The following NFILZ variants were observed in gnomAD, a reference collection of about 807,000 sequenced individuals.
NFILZ encodes the protein NFIL3 like protein.
intron 3 of NFILZ, among the ~76,000 whole-genome samples, chr19:8,653,145 G>A (rs999974158): frequency 2.7e-5 from 4 of 149,710 alleles, no homozygotes; most frequent in African/African-American, 9.9e-5. Flanking sequence ...GCAATGGTGC[G>A]ATCTTGGCTC....
intron 3 of NFILZ, among the ~76,000 whole-genome samples, chr19:8,637,701 G>A (rs1223497294): frequency 6.6e-6 from 1 of 151,330 alleles, no homozygotes; most frequent in African/African-American, 2.4e-5. Flanking sequence ...GAGGTCAGGA[G>A]TTTGAGACCA....
At chr19:8,657,214 G>A (rs782513705) in intron 3 of NFILZ, among the ~76,000 whole-genome samples, 3 of 151,184 alleles carry the variant, frequency 2.0e-5, no homozygotes, top group Non-Finnish European at 3.0e-5. Flanking sequence ...GTATGATCTC[G>A]GCTCGGCTCA....
chr19:8,652,989 TTCC>T (rs2042972866), intron 3 of NFILZ, among the ~76,000 whole-genome samples: 38 of 30,162 alleles, frequency 1.3e-3, no homozygotes, highest in African/African-American at 5.0e-3. Flanking sequence ...CCTTCCTTCC[TTCC>T]TTCCTTCCTT....
At chr19:8,659,965 G>A (rs73505706) in intron 3 of NFILZ, among the ~76,000 whole-genome samples, 8,945 of 152,200 alleles carry the variant, frequency 0.059, 702 homozygotes, top group African/African-American at 0.19. Context: ...TCCTGGGCCC[G>A]TTTCACAGAA....
rs2043136117 is a variant in NFILZ, at chr19:8,679,605, C to T, written c.*1970C>T. Among the ~76,000 whole-genome samples the T allele has an allele frequency of 6.6e-6, 1 of 152,064 alleles. No homozygotes were observed. On this transcript the variant is annotated 3_prime_UTR_variant, in exon 6 of 6. Transcript: ENST00000691075. The stretch of plus-strand genomic sequence containing the variant: ...TATCACCAAACAGGCCAAGAGCTCC[C>T]CTGTGACTGGGCATCCCTAGAATCC...
chr19:8,670,416 A>C (rs1370330306), intron 3 of NFILZ, among the ~76,000 whole-genome samples: 1 of 152,182 alleles, frequency 6.6e-6, no homozygotes, highest in Non-Finnish European at 1.5e-5. Flanking sequence ...ATTTTTTAGA[A>C]TAAACCATTA....
chr19:8,663,744 G>GTGTGTATGTGTGTGTA (rs1418286656), intron 3 of NFILZ, among the ~76,000 whole-genome samples: 11 of 121,880 alleles, frequency 9.0e-5, no homozygotes, highest in Admixed American at 3.9e-4. Context: ...GTGTGTGTGT[G>GTGTGTATGTGTGTGTA]TGTGTGTGTG....
At chr19:8,646,580 C>G (rs1187380957) in intron 3 of NFILZ, among the ~76,000 whole-genome samples, 1 of 152,162 alleles carries the variant, frequency 6.6e-6, no homozygotes, top group African/African-American at 2.4e-5. Context: ...CTTCCTTTGC[C>G]TAGAACCGTC....
chr19:8,641,031 T>C (rs138906236), intron 3 of NFILZ, among the ~76,000 whole-genome samples: 64 of 152,294 alleles, frequency 4.2e-4, no homozygotes, highest in African/African-American at 1.4e-3. Context: ...AAGGTTTGCT[T>C]GGTTTCTGCA....
chr19:8,650,583 G>A (rs1368818483), intron 3 of NFILZ, among the ~76,000 whole-genome samples: 1 of 151,560 alleles, frequency 6.6e-6, no homozygotes, highest in African/African-American at 2.4e-5. Flanking sequence ...GAACATGGGA[G>A]GCGGAGGTTA....
chr19:8,679,269 CATTATT>C lies in NFILZ; in HGVS notation c.*1666_*1671del, dbSNP rs55926423. On this transcript the variant is annotated 3_prime_UTR_variant, in exon 6 of 6. Coordinates refer to ENST00000691075, the MANE Select transcript of NFILZ (RefSeq NM_001378600.1). ...TCAGTTTCTCACTCAGCCCCTCTCC[CATTATT>C]ATTATTATTATTATTATTATTATTA... 0.11 allele frequency among the ~76,000 whole-genome samples: 16,696 copies of C among 145,680 alleles called. 1,657 individuals carry two copies. Among genetic ancestry groups the C allele is most frequent in the East Asian group, 0.55 (2,705 of 4,924 alleles).
At chr19:8,654,017 T>C (rs2042980867) in intron 3 of NFILZ, among the ~76,000 whole-genome samples, 1 of 151,842 alleles carries the variant, frequency 6.6e-6, no homozygotes, top group African/African-American at 2.4e-5. Context: ...TCACCTGAGG[T>C]CAGGAGTTTG....
At chr19:8,656,289 C>CCTCCTCCCTGAAGCCCACCTCTCTCTGA (rs1212956882) in intron 3 of NFILZ, among the ~76,000 whole-genome samples, 2 of 32,958 alleles carry the variant, frequency 6.1e-5, no homozygotes, top group Non-Finnish European at 1.5e-4. Flanking sequence ...CTTCTCCCCA[C>CCTCCTCCCTGAAGCCCACCTCTCTCTGA]AGCCCACCTC....
intron 3 of NFILZ, among the ~76,000 whole-genome samples, chr19:8,661,369 T>C (rs1354278473): frequency 2.6e-5 from 4 of 151,588 alleles, no homozygotes; most frequent in Non-Finnish European, 5.9e-5. Context: ...CGCCCAGGCT[T>C]ATACCATATT....
Position 8,647,868 on chromosome 19 carries a change from G to A in NFILZ, c.-164+12122G>A, listed in dbSNP as rs540291852. On this transcript the variant is annotated intron_variant, in intron 3 of 5. Coordinates refer to ENST00000691075, the MANE Select transcript of NFILZ (RefSeq NM_001378600.1). ...GGCCTGTTGGGGGAGGGCAGGGTGG[G>A]AGAGCATCAGGAAAAATAGGGAAGC... Among the ~76,000 whole-genome samples the A allele has an allele frequency of 2.6e-3, 378 of 147,758 alleles. 2 individuals are homozygous for A. Among genetic ancestry groups the A allele is most frequent in the African/African-American group, 8.9e-3 (362 of 40,514 alleles).
At chr19:8,663,750 G>GTGTATGTGTGTGTATGTGTGTA (rs1555749458) in intron 3 of NFILZ, among the ~76,000 whole-genome samples, 8 of 136,968 alleles carry the variant, frequency 5.8e-5, no homozygotes, top group African/African-American at 2.2e-4. Flanking sequence ...GTGTGTGTGT[G>GTGTATGTGTGTGTATGTGTGTA]TGTGTGTGTG....
rs1449698182 is a variant in NFILZ, at chr19:8,656,412, A to C, written c.-163-18139A>C. Among the ~76,000 whole-genome samples the C allele has an allele frequency of 6.5e-4, 70 of 107,404 alleles. 5 individuals carry two copies. The highest frequency in any genetic ancestry group is 1.9e-3 in the African/African-American group (53 of 28,590). The allele number at this position is 107,404 out of a possible 152,430, so 70.5% of individuals were successfully genotyped here. A position where few individuals can be genotyped will look rare whatever the true frequency, so the allele number is the denominator to read the frequency against. ...TCTCCCGCAGCCCACCTTCTCTCTG[A>C]AACCCACCTCTTTCCGCAGCCCACC... is the stretch of plus-strand genomic sequence containing the variant. On this transcript the variant is annotated intron_variant, in intron 3 of 5. Coordinates refer to ENST00000691075, the MANE Select transcript of NFILZ (RefSeq NM_001378600.1).
In NFILZ at chr19:8,677,807, G is replaced by A. The variant is rs571537007; in HGVS notation, c.*172G>A. ...CACAGCTTCCATACCAGACCTCCTA[G>A]GGGTGGAGTGGATGGGAGCCCATCT... On this transcript the variant is annotated 3_prime_UTR_variant, in exon 6 of 6. Coordinates refer to ENST00000691075, the MANE Select transcript of NFILZ (RefSeq NM_001378600.1). 1.3e-5 allele frequency among the ~76,000 whole-genome samples: 2 copies of A among 152,142 alleles called. No individual in the cohort carries two copies. Among genetic ancestry groups the A allele is most frequent in the Middle Eastern group, 3.4e-3 (1 of 294 alleles).
At chr19:8,668,053 T>G (rs2043070353) in intron 3 of NFILZ, among the ~76,000 whole-genome samples, 1 of 152,032 alleles carries the variant, frequency 6.6e-6, no homozygotes, top group South Asian at 2.1e-4. Context: ...CAGGCTCAAG[T>G]GATTCTCATG....
Sources: allele counts gnomAD v4.1 joint callset (sites outside exome capture counted in the v4.1 genomes callset), GRCh38; gene constraint gnomAD v4.1.1; transcripts MANE v1.5; gene names NCBI Gene and HGNC (gene_info 2026-07-23, HGNC 2026-07-21).